Variants in PTPRD observed in about 807,000 individuals in gnomAD.
PTPRD encodes protein tyrosine phosphatase receptor type D, also known as receptor-type tyrosine-protein phosphatase delta.
Under a neutral mutation model 214.5 loss-of-function variants are expected in PTPRD, and 34 were observed. The observed-to-expected ratio is 0.16, with a 90% CI of 0.12 to 0.21. The LOEUF (loss-of-function observed/expected upper bound fraction) is 0.21. PTPRD is among the 10% of genes least tolerant of loss of function. The pLI, the probability that PTPRD is intolerant of heterozygous loss-of-function variation, is 1.00. For synonymous variants in PTPRD, 1,128 were observed against 845.7 expected (o/e 1.33, Z -5.79); for missense variants, 2,545 against 2,398.7 (o/e 1.06, Z -1.27).
At chr9:9,780,850 G>C (rs781322495) in intron 5 of PTPRD, among the ~76,000 whole-genome samples, 5 of 152,302 alleles carry the variant, frequency 3.3e-5, no homozygotes, top group Non-Finnish European at 5.9e-5. Context: ...ACTATTCATT[G>C]ATAAAATGAT....
At chr9:9,946,173 G>T (rs542142870) in intron 4 of PTPRD, among the ~76,000 whole-genome samples, 3 of 151,964 alleles carry the variant, frequency 2.0e-5, no homozygotes, top group African/African-American at 7.3e-5. Context: ...AGGCTTTGTG[G>T]TTTTCTTCTT....
At chr9:8,660,315 G>T (rs2097014429) in intron 12 of PTPRD, among the ~76,000 whole-genome samples, 1 of 151,860 alleles carries the variant, frequency 6.6e-6, no homozygotes, top group Non-Finnish European at 1.5e-5. Context: ...AAGGTTATAG[G>T]ACTTGCATGT....
intron 11 of PTPRD, among the ~76,000 whole-genome samples, chr9:8,948,894 A>G (rs2099086846): frequency 6.6e-6 from 1 of 151,636 alleles, no homozygotes; most frequent in Non-Finnish European, 1.5e-5. Flanking sequence ...GTTCCCAGTT[A>G]TTTTTTTCTC....
At chr9:9,828,557 C>A (rs2053762071) in intron 5 of PTPRD, among the ~76,000 whole-genome samples, 1 of 151,922 alleles carries the variant, frequency 6.6e-6, no homozygotes, top group African/African-American at 2.4e-5. Context: ...TGTTAAATGA[C>A]AACTTAATGG....
intron 10 of PTPRD, among the ~76,000 whole-genome samples, chr9:9,120,862 C>G (rs981045396): frequency 6.6e-6 from 1 of 152,168 alleles, no homozygotes; most frequent in Non-Finnish European, 1.5e-5. Flanking sequence ...GGGTTGGTAT[C>G]ACTGTTAGAA....
chr9:9,536,945 C>T (rs2076641526), intron 8 of PTPRD, among the ~76,000 whole-genome samples: 1 of 151,822 alleles, frequency 6.6e-6, no homozygotes, highest in African/African-American at 2.4e-5. Flanking sequence ...TATAGATGGT[C>T]CAGGAACAGC....
intron 39 of PTPRD, among the ~76,000 whole-genome samples, chr9:8,360,652 T>G (rs898477274): frequency 1.3e-5 from 2 of 152,180 alleles, no homozygotes; most frequent in Non-Finnish European, 2.9e-5. Context: ...CTGGTTATAT[T>G]TATATATACA....
At chr9:10,482,066 A>T (rs1174711292) in intron 2 of PTPRD, among the ~76,000 whole-genome samples, 1 of 151,996 alleles carries the variant, frequency 6.6e-6, no homozygotes, top group Non-Finnish European at 1.5e-5. Context: ...AAATGAAGAA[A>T]ATAAGATAAA....
chr9:9,157,560 G>T (rs1039887671), intron 10 of PTPRD, among the ~76,000 whole-genome samples: 1 of 152,078 alleles, frequency 6.6e-6, no homozygotes, highest in African/African-American at 2.4e-5. Flanking sequence ...TACCAAGATT[G>T]AATTATGAAT....
chr9:9,577,910 G>T (rs964067446), intron 7 of PTPRD, among the ~76,000 whole-genome samples: 2 of 151,764 alleles, frequency 1.3e-5, no homozygotes, highest in Non-Finnish European at 2.9e-5. Flanking sequence ...GCTGGGTATG[G>T]TAGTGCACAC....
chr9:9,496,639 T>C (rs1236272193), intron 8 of PTPRD, among the ~76,000 whole-genome samples: 5 of 152,166 alleles, frequency 3.3e-5, no homozygotes, highest in Admixed American at 6.5e-5. Flanking sequence ...GAAACCCTTC[T>C]GCAATGTTGG....
intron 34 of PTPRD, among the ~76,000 whole-genome samples, chr9:8,439,858 C>G (rs2095483322): frequency 6.6e-6 from 1 of 151,484 alleles, no homozygotes; most frequent in Non-Finnish European, 1.5e-5. Flanking sequence ...GTCTGGCAAC[C>G]TGACCACTGC....
chr9:8,592,191 C>G (rs1480866661), intron 14 of PTPRD, among the ~76,000 whole-genome samples: 4 of 152,178 alleles, frequency 2.6e-5, no homozygotes, highest in African/African-American at 9.7e-5. Flanking sequence ...ACCCTTTCAG[C>G]TAAACTCAAT....
chr9:8,885,987 C>T (rs953903368), intron 11 of PTPRD, among the ~76,000 whole-genome samples: 1 of 152,114 alleles, frequency 6.6e-6, no homozygotes, highest in Non-Finnish European at 1.5e-5. Flanking sequence ...TGAATTGCAT[C>T]CTTCAACAGA....
intron 3 of PTPRD, among the ~76,000 whole-genome samples, chr9:10,102,606 A>T (rs1412450747): frequency 1.3e-5 from 2 of 151,570 alleles, no homozygotes; most frequent in African/African-American, 4.8e-5. Context: ...CTAATCAAAT[A>T]TTGAATTTAT....
In PTPRD at chr9:9,714,089, CAA is replaced by C. The variant is rs5896350; in HGVS notation, c.-287+20442_-287+20443del. On this transcript the variant is annotated intron_variant, in intron 7 of 45. Transcript: ENST00000381196. ...TTTTACAAGATGTTGTTCACTTGCG[CAA>C]AAAAAAAAAAAAAAAAAAATTTGAA... is the stretch of plus-strand genomic sequence containing the variant. Among the ~76,000 whole-genome samples the C allele has an allele frequency of 6.9e-3, 880 of 126,958 alleles. 8 individuals are homozygous for C. The highest frequency in any genetic ancestry group is 0.012 in the African/African-American group (421 of 34,506). The allele number at this position is 126,958 out of a possible 152,430, so 83.3% of individuals were successfully genotyped here.
chr9:9,616,633 T>C (rs1234869256), intron 7 of PTPRD, among the ~76,000 whole-genome samples: 1 of 152,112 alleles, frequency 6.6e-6, no homozygotes, highest in Admixed American at 6.5e-5. Context: ...CAAAACTCGT[T>C]GGGGCTAAAA....
intron 8 of PTPRD, among the ~76,000 whole-genome samples, chr9:9,473,270 C>T (rs2094761497): frequency 6.6e-6 from 1 of 152,124 alleles, no homozygotes; most frequent in African/African-American, 2.4e-5. Context: ...AACATAATGT[C>T]CTCCAGGTTT....
At chr9:9,116,628 A>G (rs1472832630) in intron 10 of PTPRD, among the ~76,000 whole-genome samples, 1 of 152,114 alleles carries the variant, frequency 6.6e-6, no homozygotes, top group Non-Finnish European at 1.5e-5. Flanking sequence ...TTTTTCTTAA[A>G]TGCATTTTAG....
Sources: gnomAD v4.1 joint callset for allele counts (sites outside exome capture counted in the v4.1 genomes callset) on GRCh38, gnomAD v4.1.1 for gene constraint, MANE v1.5 for transcripts, NCBI Gene and HGNC (gene_info 2026-07-23, HGNC 2026-07-21) for gene names.